Variants in GOLM2 observed in about 807,000 individuals in gnomAD.
The protein encoded by GOLM2 is protein GOLM2.
Under a neutral mutation model 55.9 loss-of-function variants are expected in GOLM2, and 26 were observed. The ratio of observed to expected loss-of-function variants is 0.47; its 90% CI spans 0.34 to 0.65. GOLM2 has a LOEUF of 0.65. Ranked by LOEUF, GOLM2 falls within the 30% of genes least tolerant of loss-of-function variation. The probability of loss-of-function intolerance (pLI) is 0.01; values close to 1 mark genes in which losing one functional copy is unlikely to be tolerated. For synonymous variants in GOLM2, 165 were observed against 194.6 expected, an observed-to-expected ratio of 0.85 and a Z score of 1.27; for missense variants, 486 against 531.8, an observed-to-expected ratio of 0.91 and a Z score of 0.85.
intron 6 of GOLM2, among the ~76,000 whole-genome samples, chr15:44,370,188 G>A (rs1173397525): frequency 6.6e-6 from 1 of 152,082 alleles, no homozygotes. Flanking sequence ...ATCTCCTTTG[G>A]CAACACCCTC....
At position 44,371,108 on chromosome 15, in the gene GOLM2, C is replaced by T. The variant is rs919172811; in HGVS notation, c.803-8582C>T. ...ATAGATTTCTGCTCTCCGTTTCATC[C>T]CCCACAGGTTCCTCCTCTGTAATAT... is the stretch of plus-strand genomic sequence containing the variant. On this transcript the variant is annotated intron_variant, in intron 6 of 9. Transcript: ENST00000299957. Among the ~76,000 whole-genome samples the T allele has an allele frequency of 9.8e-5, 15 of 152,304 alleles. 1 individual carries two copies. The highest frequency in any genetic ancestry group is 7.8e-4 in the Admixed American group (12 of 15,290).
intron 1 of GOLM2, among the ~76,000 whole-genome samples, chr15:44,315,067 G>T (rs773988578): frequency 6.6e-6 from 1 of 152,166 alleles, no homozygotes. Flanking sequence ...AATCACGTAA[G>T]ATTTTTAAAA....
intron 6 of GOLM2, among the ~76,000 whole-genome samples, chr15:44,353,495 C>G (rs775036356): frequency 6.6e-6 from 1 of 152,164 alleles, no homozygotes; most frequent in African/African-American, 2.4e-5. Context: ...GTTTATTGCA[C>G]TATTCGCAGT....
chr15:44,326,234 C>T (rs944404384), intron 2 of GOLM2, among the ~76,000 whole-genome samples: 5 of 149,720 alleles, frequency 3.3e-5, no homozygotes, highest in African/African-American at 1.2e-4. Flanking sequence ...TGCACTCCAT[C>T]CTGGGCAACA....
At chr15:44,320,343 G>C (rs774576260) in intron 1 of GOLM2, among the ~76,000 whole-genome samples, 51 of 151,922 alleles carry the variant, frequency 3.4e-4, no homozygotes, top group Non-Finnish European at 5.9e-4. Context: ...CTGTCTCCCA[G>C]GCTGGAGTAC....
intron 9 of GOLM2, among the ~76,000 whole-genome samples, chr15:44,407,536 A>C (rs965535218): frequency 3.1e-4 from 47 of 151,940 alleles, no homozygotes; most frequent in African/African-American, 1.1e-3. Flanking sequence ...TCGGTCTCCC[A>C]AAGTGTTCGG....
At chr15:44,361,230 A>G (rs1451405658) in intron 6 of GOLM2, among the ~76,000 whole-genome samples, 2 of 152,190 alleles carry the variant, frequency 1.3e-5, no homozygotes, top group Non-Finnish European at 2.9e-5. Flanking sequence ...AAAAAGAGAC[A>G]CAAAAAACCC....
chr15:44,340,101 C>T (rs1457102912), intron 6 of GOLM2, among the ~76,000 whole-genome samples: 3 of 152,152 alleles, frequency 2.0e-5, no homozygotes, highest in Non-Finnish European at 4.4e-5. Flanking sequence ...GGATTACAAG[C>T]ATCAGCTACC....
At chr15:44,402,655 G>T in intron 8 of GOLM2, 1 of 379,848 alleles carries the variant, frequency 2.6e-6, no homozygotes, top group Non-Finnish European at 4.7e-6. Flanking sequence ...ATTTTAAGTG[G>T]CAAGCACTAA....
chr15:44,288,797 G>C lies in GOLM2; in HGVS notation c.-233G>C. On this transcript the variant is annotated 5_prime_UTR_variant, in exon 1 of 10. Transcript: ENST00000299957. The stretch of plus-strand genomic sequence containing the variant: ...TCCCGGTTCCCTTGGGCAGGTGCAG[G>C]GTCGGGTTCAAAGCCTCCGGAACGC... 1 of 557,436 alleles carries C rather than the reference G, an allele frequency of 1.8e-6. No individual in the cohort carries two copies. The highest frequency in any genetic ancestry group is 3.2e-6 in the Non-Finnish European group (1 of 317,112). The allele number at this position is 557,436 out of a possible 1,614,324, so 34.5% of individuals were successfully genotyped here. A position where few individuals can be genotyped will look rare whatever the true frequency, so the allele number is the denominator to read the frequency against.
At chr15:44,367,516 C>T (rs1448355307) in intron 6 of GOLM2, among the ~76,000 whole-genome samples, 3 of 152,060 alleles carry the variant, frequency 2.0e-5, no homozygotes, top group Admixed American at 1.3e-4. Context: ...GCAGTTCCGG[C>T]GGGGCGCAGT....
intron 4 of GOLM2, among the ~76,000 whole-genome samples, chr15:44,332,985 T>C (rs908711730): frequency 6.6e-6 from 1 of 152,152 alleles, no homozygotes; most frequent in Admixed American, 6.5e-5. Flanking sequence ...CCAGCTAGAG[T>C]GCAGTGGCGT....
At position 44,327,042 on chromosome 15, in the gene GOLM2, CT is replaced by C. The variant is rs374716426; in HGVS notation, c.383-1642del. On this transcript the variant is annotated intron_variant, in intron 2 of 9. Coordinates refer to ENST00000299957, the MANE Select transcript of GOLM2 (RefSeq NM_138423.4). ...CTCGGCTCACTGTAAGCTCCACCTT[CT>C]GAGTTCAAGTGATTCTCTTGCCTCA... Among the ~76,000 whole-genome samples, 656 of 150,660 alleles carry C rather than the reference CT, an allele frequency of 4.4e-3. 4 individuals are homozygous for C. Among genetic ancestry groups the C allele is most frequent in the African/African-American group, 0.015 (635 of 41,016 alleles).
chr15:44,295,213 G>T (rs1022971696), intron 1 of GOLM2, among the ~76,000 whole-genome samples: 1 of 152,010 alleles, frequency 6.6e-6, no homozygotes. Flanking sequence ...CTGAGTAGCT[G>T]AGACTACAGG....
intron 6 of GOLM2, among the ~76,000 whole-genome samples, chr15:44,367,542 T>C (rs1268486114): frequency 1.3e-5 from 2 of 152,074 alleles, no homozygotes; most frequent in Non-Finnish European, 2.9e-5. Flanking sequence ...ATGCCTGTAA[T>C]CCCAGCACTT....
intron 1 of GOLM2, among the ~76,000 whole-genome samples, chr15:44,303,930 T>C (rs2078817488): frequency 6.6e-6 from 1 of 151,394 alleles, no homozygotes; most frequent in African/African-American, 2.4e-5. Context: ...AGACAGGGTT[T>C]TGTTGGCCAA....
At chr15:44,323,048 A>G in intron 2 of GOLM2, 29 bp downstream of exon 2, 2 of 1,455,212 alleles carry the variant, frequency 1.4e-6, no homozygotes, top group Non-Finnish European at 1.9e-6. Flanking sequence ...GATTAAAGAT[A>G]AACCAAGGTC....
intron 8 of GOLM2, among the ~76,000 whole-genome samples, chr15:44,386,480 T>C (rs1023501503): frequency 6.6e-6 from 1 of 152,230 alleles, no homozygotes; most frequent in African/African-American, 2.4e-5. Flanking sequence ...TCCTTCAACT[T>C]TGTTCATCTT....
intron 6 of GOLM2, among the ~76,000 whole-genome samples, chr15:44,342,150 T>G (rs2079094488): frequency 6.6e-6 from 1 of 152,268 alleles, no homozygotes. Context: ...TGTATTAACA[T>G]TTTGTGTAAA....
Sources: gnomAD v4.1 joint callset for allele counts (sites outside exome capture counted in the v4.1 genomes callset) on GRCh38, gnomAD v4.1.1 for gene constraint, MANE v1.5 for transcripts, NCBI Gene and HGNC (gene_info 2026-07-23, HGNC 2026-07-21) for gene names.